SIPA1L2: variants seen among roughly 807,000 people sequenced by gnomAD.
SIPA1L2 encodes signal induced proliferation associated 1 like 2, also known as signal-induced proliferation-associated 1-like protein 2.
In SIPA1L2, 56 loss-of-function variants were observed where a neutral mutation model predicts 163.9. That is an observed-to-expected ratio of 0.34 (90% confidence interval 0.28 to 0.43). The LOEUF is 0.43. Ranked by LOEUF, SIPA1L2 falls within the 20% of genes least tolerant of loss-of-function variation. The pLI, the probability that SIPA1L2 is intolerant of heterozygous loss-of-function variation, is 1.00. For synonymous variants in SIPA1L2, 877 were observed against 865.7 expected (o/e 1.01, Z -0.23); for missense variants, 1,974 against 2,193.5 (o/e 0.90, Z 2.00).
intron 5 of SIPA1L2, among the ~76,000 whole-genome samples, chr1:232,486,996 A>T (rs1665677020): frequency 6.6e-6 from 1 of 152,234 alleles, no homozygotes; most frequent in Non-Finnish European, 1.5e-5. Flanking sequence ...ACCTTTATTT[A>T]ACTGTTTGAT....
At chr1:232,599,199 A>G (rs945030204) in intron 1 of SIPA1L2, among the ~76,000 whole-genome samples, 8 of 152,214 alleles carry the variant, frequency 5.3e-5, no homozygotes, top group African/African-American at 1.7e-4. Context: ...TTCAGATTAC[A>G]TATTTAAAAA....
rs1224031737 is a variant in SIPA1L2 at position 232,425,617 on chromosome 1, G to T, written c.4602C>A (p.His1534Gln). 6.2e-7 allele frequency: 1 copy of T among 1,606,530 alleles called. No individual in the cohort carries two copies. Among genetic ancestry groups the T allele is most frequent in the South Asian group, 1.1e-5 (1 of 89,922 alleles). Residue 1534 changes from histidine (H) to glutamine (Q), a missense_variant, in exon 18 of 23, where the codon CAC (histidine) becomes CAA (glutamine). Around this residue, in one of 3 missense-constraint regions of SIPA1L2, gnomAD observed 1,079 missense variants for 1,150.7 expected, o/e 0.94. Coordinates refer to ENST00000674635, the MANE Select transcript of SIPA1L2 (RefSeq NM_020808.5). Reference sequence around the variant, plus strand: ...TCAGGCTCCCCATGCTGGGTGCGGGGTGGGCCCGCGGAGGCAGCGTGCTGT... The same window carrying T: ...TCAGGCTCCCCATGCTGGGTGCGGGTTGGGCCCGCGGAGGCAGCGTGCTGT... ...PYHSTLPPRA[H>Q]PAPSMGSLRN...
At chr1:232,577,885 T>C (rs1177101268) in intron 1 of SIPA1L2, among the ~76,000 whole-genome samples, 1 of 152,166 alleles carries the variant, frequency 6.6e-6, no homozygotes, top group Non-Finnish European at 1.5e-5. Flanking sequence ...GGAAATTACA[T>C]AAACTTGGCA....
chr1:232,479,088 T>C (rs1386764978), intron 7 of SIPA1L2, among the ~76,000 whole-genome samples: 1 of 152,256 alleles, frequency 6.6e-6, no homozygotes, highest in Non-Finnish European at 1.5e-5. Flanking sequence ...TACAATGATT[T>C]ATGCATCATT....
chr1:232,508,943 T>A (rs1666858239), intron 3 of SIPA1L2, among the ~76,000 whole-genome samples: 3 of 152,050 alleles, frequency 2.0e-5, no homozygotes, highest in African/African-American at 7.2e-5. Flanking sequence ...AATACAAAAA[T>A]TAGCCGGGCG....
chr1:232,583,510 C>T (rs1289163757), intron 1 of SIPA1L2, among the ~76,000 whole-genome samples: 1 of 152,104 alleles, frequency 6.6e-6, no homozygotes, highest in African/African-American at 2.4e-5. Context: ...CAGTGAAAAC[C>T]ATAGTGTCCT....
At chr1:232,418,803 T>C (rs531607967) in intron 18 of SIPA1L2, among the ~76,000 whole-genome samples, 1 of 152,342 alleles carries the variant, frequency 6.6e-6, no homozygotes, top group South Asian at 2.1e-4. Context: ...GGGACTTCTA[T>C]TTGATACTGC....
chr1:232,458,179 A>AT (rs1664037203), intron 10 of SIPA1L2, among the ~76,000 whole-genome samples: 2 of 152,290 alleles, frequency 1.3e-5, no homozygotes, highest in South Asian at 4.1e-4. Context: ...AAAACCCTGT[A>AT]TGTTTAGGGA....
intron 2 of SIPA1L2, among the ~76,000 whole-genome samples, chr1:232,543,147 T>C (rs1443404439): frequency 1.3e-5 from 2 of 152,228 alleles, no homozygotes; most frequent in African/African-American, 2.4e-5. Context: ...TATGCTGCTA[T>C]GTAAATCGAA....
chr1:232,584,840 G>C (rs1660571689), intron 1 of SIPA1L2, among the ~76,000 whole-genome samples: 1 of 152,212 alleles, frequency 6.6e-6, no homozygotes, highest in Admixed American at 6.5e-5. Context: ...TAAATTTGTA[G>C]AAATTTGTCT....
At chr1:232,406,009 G>GT (rs1253587909) in intron 19 of SIPA1L2, among the ~76,000 whole-genome samples, 2 of 152,172 alleles carry the variant, frequency 1.3e-5, no homozygotes, top group Non-Finnish European at 2.9e-5. Context: ...TGCCAGCAAT[G>GT]TAATTTCACA....
At chr1:232,429,703 A>C (rs905910000) in intron 16 of SIPA1L2, among the ~76,000 whole-genome samples, 1 of 152,184 alleles carries the variant, frequency 6.6e-6, no homozygotes, top group Non-Finnish European at 1.5e-5. Flanking sequence ...TGGGAGCTAC[A>C]AGAAGAAACC....
At chr1:232,476,222 C>A (rs1388881040) in intron 7 of SIPA1L2, among the ~76,000 whole-genome samples, 2 of 152,118 alleles carry the variant, frequency 1.3e-5, no homozygotes, top group East Asian at 3.9e-4. Flanking sequence ...AGCCCAAATA[C>A]AACATCATTA....
chr1:232,413,267 T>C (rs1001062424), intron 19 of SIPA1L2, among the ~76,000 whole-genome samples: 1 of 152,320 alleles, frequency 6.6e-6, no homozygotes, highest in East Asian at 1.9e-4. Context: ...TAGAAGAGTA[T>C]TGGGACAAAG....
chr1:232,611,051 G>A (rs371227478), intron 1 of SIPA1L2, among the ~76,000 whole-genome samples: 2 of 152,152 alleles, frequency 1.3e-5, no homozygotes, highest in East Asian at 1.9e-4. Flanking sequence ...ATCATGGGGC[G>A]GCTTCCCCCA....
intron 19 of SIPA1L2, among the ~76,000 whole-genome samples, chr1:232,408,318 GAT>G (rs1660759070): frequency 6.6e-6 from 1 of 151,582 alleles, no homozygotes; most frequent in South Asian, 2.1e-4. Context: ...TTTGGGTAGA[GAT>G]ATGTTATTTG....
intron 10 of SIPA1L2, among the ~76,000 whole-genome samples, chr1:232,458,157 T>A (rs983777014): frequency 1.4e-5 from 2 of 147,868 alleles, no homozygotes; most frequent in Admixed American, 7.1e-5. Flanking sequence ...TATTACAGAT[T>A]AATTGGGAAA....
intron 9 of SIPA1L2, among the ~76,000 whole-genome samples, chr1:232,461,690 G>A (rs1664243738): frequency 6.6e-6 from 1 of 152,176 alleles, no homozygotes; most frequent in Non-Finnish European, 1.5e-5. Context: ...ACACCCCAAA[G>A]CACTTGAAAG....
At position 232,572,718 on chromosome 1, in the gene SIPA1L2, C is replaced by CAT. The variant is rs1558277347; in HGVS notation, c.-270+1455_-270+1456insAT. Among the ~76,000 whole-genome samples, 215 of 62,976 alleles carry CAT rather than the reference C, an allele frequency of 3.4e-3. 3 individuals are homozygous for CAT. Among genetic ancestry groups the CAT allele is most frequent in the African/African-American group, 0.011 (210 of 18,838 alleles). The allele number at this position is 62,976 out of a possible 152,430, so 41.3% of individuals were successfully genotyped here. Reference sequence around the variant, plus strand: ...ACATATATATATATATATATATATACACACATATATACATACATACATATA... The same window carrying CAT: ...ACATATATATATATATATATATATACATACACATATATACATACATACATATA... On this transcript the variant is annotated intron_variant, in intron 2 of 22. Coordinates refer to ENST00000674635, the MANE Select transcript of SIPA1L2 (RefSeq NM_020808.5).
Sources: gnomAD v4.1 joint callset for allele counts (sites outside exome capture counted in the v4.1 genomes callset) on GRCh38, gnomAD v4.1.1 for gene constraint, gnomAD v4.1.1 regional missense constraint, MANE v1.5 for transcripts, NCBI Gene and HGNC (gene_info 2026-07-23, HGNC 2026-07-21) for gene names.